Variants in RAD51B observed in about 807,000 individuals in gnomAD.
RAD51B encodes RAD51 paralog B.
Under a neutral mutation model 42.2 loss-of-function variants are expected in RAD51B, and 38 were observed. The ratio of observed to expected loss-of-function variants is 0.90; its 90% CI spans 0.70 to 1.18. RAD51B has a LOEUF of 1.18. Ranked by LOEUF, RAD51B falls within the 50% of genes most tolerant of loss-of-function variation. The pLI, the probability that RAD51B is intolerant of heterozygous loss-of-function variation, is 0.00. For synonymous variants in RAD51B, 154 were observed against 145.2 expected, an observed-to-expected ratio of 1.06 and a Z score of -0.43; for missense variants, 373 against 400.7, an observed-to-expected ratio of 0.93 and a Z score of 0.59.
intron 10 of RAD51B, chr14:68,541,465 G>T (rs775845876): frequency 2.0e-6 from 2 of 985,432 alleles, no homozygotes; most frequent in East Asian, 2.3e-4. Context: ...AGGGGGAATG[G>T]CCCCTCTGGC....
intron 5 of RAD51B, among the ~76,000 whole-genome samples, chr14:67,874,672 T>G (rs2042667456): frequency 1.3e-5 from 2 of 150,950 alleles, no homozygotes; most frequent in African/African-American, 4.9e-5. Flanking sequence ...TTTTTTGTTG[T>G]TTTTTTTTAA....
intron 8 of RAD51B, among the ~76,000 whole-genome samples, chr14:68,345,898 G>T (rs1330346649): frequency 6.6e-6 from 1 of 152,164 alleles, no homozygotes; most frequent in African/African-American, 2.4e-5. Context: ...GACCTCAAGT[G>T]ATTCACCCAC....
At chr14:68,522,361 C>T (rs912359580) in intron 10 of RAD51B, among the ~76,000 whole-genome samples, 1 of 152,140 alleles carries the variant, frequency 6.6e-6, no homozygotes, top group Non-Finnish European at 1.5e-5. Context: ...ACCTGAATTT[C>T]CAGGATGAGG....
chr14:68,006,691 T>C (rs2075597962), intron 7 of RAD51B, among the ~76,000 whole-genome samples: 1 of 152,126 alleles, frequency 6.6e-6, no homozygotes, highest in Non-Finnish European at 1.5e-5. Flanking sequence ...TGATAATATA[T>C]TTACCCAATT....
chr14:68,193,327 G>A (rs1026080961), intron 7 of RAD51B, among the ~76,000 whole-genome samples: 1 of 152,068 alleles, frequency 6.6e-6, no homozygotes, highest in African/African-American at 2.4e-5. Context: ...TATTTGACCT[G>A]TTGCTGAAGC....
intron 11 of RAD51B, among the ~76,000 whole-genome samples, chr14:68,662,787 G>T (rs937836857): frequency 4.6e-5 from 7 of 152,166 alleles, no homozygotes; most frequent in African/African-American, 1.7e-4. Context: ...CCCTTTCCTT[G>T]TAGATGAGAG....
intron 10 of RAD51B, among the ~76,000 whole-genome samples, chr14:68,524,921 C>T (rs889180123): frequency 2.0e-5 from 3 of 152,252 alleles, no homozygotes; most frequent in Non-Finnish European, 2.9e-5. Flanking sequence ...GGTTTCCACC[C>T]TTTCCATCTG....
At chr14:68,263,047 C>A (rs972736472) in intron 7 of RAD51B, among the ~76,000 whole-genome samples, 4 of 152,082 alleles carry the variant, frequency 2.6e-5, no homozygotes, top group Non-Finnish European at 5.9e-5. Context: ...AAAAATAAAT[C>A]GTTTCCTCTC....
chr14:68,562,377 G>A (rs146540771), intron 10 of RAD51B: 1 of 985,364 alleles, frequency 1.0e-6, no homozygotes, highest in East Asian at 1.1e-4. Flanking sequence ...AGGCTCTTGA[G>A]CAAATGCAGA....
Position 68,425,975 on chromosome 14 carries a change from T to TCTTTCTTTCTTTCTTTCTTTCTTCCTTC in RAD51B, c.957+14451_957+14452insTCTTTCTTTCTTTCTTTCTTCCTTCCTT, listed in dbSNP as rs1555407995. On this transcript the variant is annotated intron_variant, in intron 9 of 10. Transcript: ENST00000471583. ...TTCTTTCTTTCTTTCTTTCTTTCTT[T>TCTTTCTTTCTTTCTTTCTTTCTTCCTTC]CTTCCTTCCTTCCTTCCTTCCTTCC... 1.6e-4 allele frequency among the ~76,000 whole-genome samples: 14 copies of TCTTTCTTTCTTTCTTTCTTTCTTCCTTC among 86,054 alleles called. 1 individual carries two copies. The highest frequency in any genetic ancestry group is 3.2e-4 in the Non-Finnish European group (13 of 40,560). 56.5% of individuals were successfully genotyped at this position (86,054 alleles called of 152,430 possible).
intron 10 of RAD51B, among the ~76,000 whole-genome samples, chr14:68,516,512 G>T (rs534519982): frequency 6.6e-6 from 1 of 152,166 alleles, no homozygotes; most frequent in South Asian, 2.1e-4. Flanking sequence ...CCAGCCTCAC[G>T]TAGTTATTTT....
At position 68,292,359 on chromosome 14, in the gene RAD51B, G is replaced by A. The variant is rs12435186; in HGVS notation, c.853+379G>A. 9.9e-3 allele frequency among the ~76,000 whole-genome samples: 1,513 copies of A among 152,236 alleles called. 31 individuals carry two copies. The highest frequency in any genetic ancestry group is 0.057 in the East Asian group (296 of 5,188). On this transcript the variant is annotated intron_variant, in intron 8 of 10. Transcript: ENST00000471583. ...GCTGAGTTCTTTTGGACTAAAAAGCGTACATCAGTTTCATGTGCCAGAGAT... is the reference window on the plus strand; with the variant it reads ...GCTGAGTTCTTTTGGACTAAAAAGCATACATCAGTTTCATGTGCCAGAGAT...
chr14:68,669,009 A>T (rs1425414078), intron 11 of RAD51B, among the ~76,000 whole-genome samples: 1 of 152,256 alleles, frequency 6.6e-6, no homozygotes, highest in Non-Finnish European at 1.5e-5. Context: ...TTTTAGTTGA[A>T]GTTGAAAAGA....
At chr14:68,237,042 A>G (rs1197787887) in intron 7 of RAD51B, among the ~76,000 whole-genome samples, 1 of 152,142 alleles carries the variant, frequency 6.6e-6, no homozygotes, top group Non-Finnish European at 1.5e-5. Context: ...GCCTTTATTC[A>G]CCTGCTATTT....
intron 10 of RAD51B, among the ~76,000 whole-genome samples, chr14:68,537,415 C>T (rs1887698631): frequency 6.6e-6 from 1 of 151,130 alleles, no homozygotes; most frequent in Non-Finnish European, 1.5e-5. Context: ...AGGAGAGTGG[C>T]ATGAACCCAG....
intron 10 of RAD51B, among the ~76,000 whole-genome samples, chr14:68,591,277 G>A (rs542207014): frequency 6.6e-6 from 1 of 152,302 alleles, no homozygotes; most frequent in South Asian, 2.1e-4. Flanking sequence ...AGCAAGAAGA[G>A]TGACTGTCCT....
At chr14:68,363,589 C>A (rs2083076441) in intron 8 of RAD51B, among the ~76,000 whole-genome samples, 1 of 152,152 alleles carries the variant, frequency 6.6e-6, no homozygotes, top group Non-Finnish European at 1.5e-5. Flanking sequence ...GCGGCGGCGC[C>A]CACTCTGTGT....
chr14:67,879,872 T>TA (rs778117214), intron 5 of RAD51B, among the ~76,000 whole-genome samples: 3 of 152,138 alleles, frequency 2.0e-5, no homozygotes, highest in Non-Finnish European at 2.9e-5. Context: ...GCTTCTTTGA[T>TA]ACTACACCAG....
chr14:68,636,323 G>A (rs961759183), intron 10 of RAD51B, among the ~76,000 whole-genome samples: 2 of 152,174 alleles, frequency 1.3e-5, no homozygotes, highest in African/African-American at 4.8e-5. Flanking sequence ...TGGCTCACAC[G>A]TGTCATCTCA....
Sources: gnomAD v4.1 joint callset for allele counts (sites outside exome capture counted in the v4.1 genomes callset) on GRCh38, gnomAD v4.1.1 for gene constraint, MANE v1.5 for transcripts, NCBI Gene and HGNC (gene_info 2026-07-23, HGNC 2026-07-21) for gene names.